Variants in MDGA2 observed in about 807,000 individuals in gnomAD.
The protein encoded by MDGA2 is MAM domain-containing glycosylphosphatidylinositol anchor protein 2.
MDGA2 carries 40 observed loss-of-function variants against 117.8 expected under a neutral mutation model. The ratio of observed to expected loss-of-function variants is 0.34; its 90% CI spans 0.26 to 0.44. The LOEUF is 0.44. Ranked by LOEUF, MDGA2 falls within the 20% of genes least tolerant of loss-of-function variation. The pLI, the probability that MDGA2 is intolerant of heterozygous loss-of-function variation, is 1.00. For synonymous variants in MDGA2, 452 were observed against 439.0 expected, an observed-to-expected ratio of 1.03 and a Z score of -0.37; for missense variants, 1,123 against 1,250.6, an observed-to-expected ratio of 0.90 and a Z score of 1.54.
intron 8 of MDGA2, among the ~76,000 whole-genome samples, chr14:46,967,526 C>T (rs1886083249): frequency 6.6e-6 from 1 of 152,170 alleles, no homozygotes; most frequent in Non-Finnish European, 1.5e-5. Flanking sequence ...TAATATATGA[C>T]AACCTCTCTC....
At chr14:47,061,718 G>T in intron 6 of MDGA2, 140 bp from the exon 7 acceptor site, 2 of 684,878 alleles carry the variant, frequency 2.9e-6, no homozygotes, top group Non-Finnish European at 4.7e-6. Context: ...TATCCAAGTT[G>T]TGTGTACATC....
At chr14:47,468,101 T>G (rs901395129) in intron 1 of MDGA2, among the ~76,000 whole-genome samples, 1 of 152,118 alleles carries the variant, frequency 6.6e-6, no homozygotes, top group Non-Finnish European at 1.5e-5. Flanking sequence ...CAGAGACAGC[T>G]GAGGAGTGGA....
At chr14:47,622,923 C>A (rs571327040) in intron 1 of MDGA2, among the ~76,000 whole-genome samples, 1 of 152,210 alleles carries the variant, frequency 6.6e-6, no homozygotes, top group South Asian at 2.1e-4. Flanking sequence ...TCATTGTGGA[C>A]TATTCTATCT....
At chr14:47,105,012 G>A (rs555720540) in intron 5 of MDGA2, among the ~76,000 whole-genome samples, 4 of 152,244 alleles carry the variant, frequency 2.6e-5, no homozygotes, top group African/African-American at 4.8e-5. Context: ...CACCGGTCAC[G>A]GACTTGGAAG....
intron 1 of MDGA2, among the ~76,000 whole-genome samples, chr14:47,469,041 TTA>T (rs1335451379): frequency 6.6e-6 from 1 of 152,098 alleles, no homozygotes; most frequent in Non-Finnish European, 1.5e-5. Flanking sequence ...AATATGAAAA[TTA>T]TATACGATGA....
intron 10 of MDGA2, among the ~76,000 whole-genome samples, chr14:46,907,034 T>C (rs1883525371): frequency 7.0e-6 from 1 of 142,600 alleles, no homozygotes; most frequent in Non-Finnish European, 1.5e-5. Context: ...TGGAGTGCAG[T>C]GGCACGAACT....
chr14:47,385,273 AC>A (rs1483240896), intron 1 of MDGA2, among the ~76,000 whole-genome samples: 1 of 152,036 alleles, frequency 6.6e-6, no homozygotes, highest in Non-Finnish European at 1.5e-5. Context: ...CTGGATCCAA[AC>A]AAAATTCATT....
At chr14:47,011,133 GA>G (rs548011569) in intron 8 of MDGA2, among the ~76,000 whole-genome samples, 122 of 151,908 alleles carry the variant, frequency 8.0e-4, no homozygotes, top group African/African-American at 2.7e-3. Context: ...ATAATCAGAA[GA>G]AAAGTAGAAC....
intron 8 of MDGA2, among the ~76,000 whole-genome samples, chr14:46,999,450 A>G (rs1187776675): frequency 6.6e-6 from 1 of 152,092 alleles, no homozygotes. Flanking sequence ...AAATTACTAG[A>G]TTCTAAATGA....
At chr14:47,121,135 T>C (rs1746004867) in intron 5 of MDGA2, among the ~76,000 whole-genome samples, 2 of 152,178 alleles carry the variant, frequency 1.3e-5, no homozygotes, top group Admixed American at 6.5e-5. Context: ...CATTTTGCCT[T>C]GTCTGTAACT....
At chr14:47,339,183 T>A (rs144246789) in intron 1 of MDGA2, among the ~76,000 whole-genome samples, 1 of 152,216 alleles carries the variant, frequency 6.6e-6, no homozygotes, top group African/African-American at 2.4e-5. Flanking sequence ...TTTAGGGGTA[T>A]AAAAGAATGA....
At chr14:47,297,660 C>G (rs1370828743) in intron 2 of MDGA2, among the ~76,000 whole-genome samples, 1 of 152,128 alleles carries the variant, frequency 6.6e-6, no homozygotes, top group Non-Finnish European at 1.5e-5. Context: ...CTTCATGCAT[C>G]TTTGTAATAA....
chr14:46,960,825 T>C (rs1215831357), intron 8 of MDGA2, among the ~76,000 whole-genome samples: 1 of 149,326 alleles, frequency 6.7e-6, no homozygotes, highest in Non-Finnish European at 1.5e-5. Context: ...TATACATATG[T>C]GTACATATAA....
At chr14:47,256,983 C>G (rs1887643324) in intron 2 of MDGA2, among the ~76,000 whole-genome samples, 1 of 147,856 alleles carries the variant, frequency 6.8e-6, no homozygotes, top group Admixed American at 6.8e-5. Flanking sequence ...AGAGGGGGGA[C>G]AAGATGAAAA....
At chr14:47,294,374 A>C (rs1438324760) in intron 2 of MDGA2, among the ~76,000 whole-genome samples, 1 of 152,126 alleles carries the variant, frequency 6.6e-6, no homozygotes, top group Non-Finnish European at 1.5e-5. Context: ...CTGGGATTAC[A>C]TGAGTGAGCC....
chr14:47,398,644 T>A (rs1393065985), intron 1 of MDGA2, among the ~76,000 whole-genome samples: 1 of 152,122 alleles, frequency 6.6e-6, no homozygotes, highest in Admixed American at 6.6e-5. Flanking sequence ...AACGTTTAAG[T>A]AGTAGAGGTG....
chr14:47,534,739 A>C (rs1895173390), intron 1 of MDGA2, among the ~76,000 whole-genome samples: 1 of 152,212 alleles, frequency 6.6e-6, no homozygotes, highest in Non-Finnish European at 1.5e-5. Context: ...TTGTCCTGGC[A>C]CTCTGAACCA....
chr14:47,177,008 T>C (rs1884486862), intron 3 of MDGA2, among the ~76,000 whole-genome samples: 1 of 151,754 alleles, frequency 6.6e-6, no homozygotes, highest in Non-Finnish European at 1.5e-5. Flanking sequence ...AACAGACACT[T>C]CTCAAAAGAA....
At chr14:47,032,006 A>T (rs1185176964) in intron 8 of MDGA2, among the ~76,000 whole-genome samples, 1 of 152,232 alleles carries the variant, frequency 6.6e-6, no homozygotes, top group African/African-American at 2.4e-5. Flanking sequence ...GTGCAACAAT[A>T]GACTAACAAA....
Sources: gnomAD v4.1 joint callset for allele counts (sites outside exome capture counted in the v4.1 genomes callset) on GRCh38, gnomAD v4.1.1 for gene constraint, MANE v1.5 for transcripts, NCBI Gene and HGNC (gene_info 2026-07-23, HGNC 2026-07-21) for gene names.